Variants in TLL1 observed in about 807,000 individuals in gnomAD.
The protein encoded by TLL1 is tolloid-like protein 1.
TLL1 carries 49 observed loss-of-function variants against 128.2 expected under a neutral mutation model. That is an observed-to-expected ratio of 0.38 (90% CI 0.30 to 0.48). TLL1 has a LOEUF of 0.48. TLL1 is among the 20% of genes least tolerant of loss of function. The probability of loss-of-function intolerance (pLI) is 0.96; values close to 1 mark genes in which losing one functional copy is unlikely to be tolerated. For synonymous variants in TLL1, 454 were observed against 418.8 expected (o/e 1.08, Z -1.03); for missense variants, 1,123 against 1,242.0 (o/e 0.90, Z 1.44).
At chr4:166,056,344 T>C (rs1740006850) in intron 13 of TLL1, among the ~76,000 whole-genome samples, 1 of 151,762 alleles carries the variant, frequency 6.6e-6, no homozygotes, top group Non-Finnish European at 1.5e-5. Flanking sequence ...TCCTGAAGAG[T>C]GAGATTATGG....
At chr4:166,064,315 T>A (rs1688393094) in intron 15 of TLL1, among the ~76,000 whole-genome samples, 1 of 152,120 alleles carries the variant, frequency 6.6e-6, no homozygotes. Flanking sequence ...TCCCTTAAGC[T>A]ATTACTGTGT....
At chr4:165,972,707 C>T (rs1450792079) in intron 1 of TLL1, among the ~76,000 whole-genome samples, 3 of 152,180 alleles carry the variant, frequency 2.0e-5, no homozygotes, top group African/African-American at 7.2e-5. Flanking sequence ...ATAATTACCT[C>T]TACCTGGCTT....
intron 1 of TLL1, among the ~76,000 whole-genome samples, chr4:165,914,344 A>G (rs1421726088): frequency 1.3e-5 from 2 of 150,890 alleles, no homozygotes; most frequent in Non-Finnish European, 3.0e-5. Flanking sequence ...TTTGTTTTCT[A>G]AATAAACATT....
At chr4:165,934,231 TC>T in intron 1 of TLL1, among the ~76,000 whole-genome samples, 1 of 148,564 alleles carries the variant, frequency 6.7e-6, no homozygotes, top group East Asian at 2.0e-4. Context: ...GCCAGGTTGG[TC>T]TTGAACTCCT....
At chr4:165,889,609 G>T (rs1037052123) in intron 1 of TLL1, among the ~76,000 whole-genome samples, 1 of 152,140 alleles carries the variant, frequency 6.6e-6, no homozygotes, top group Non-Finnish European at 1.5e-5. Context: ...AGGCAGATTT[G>T]ATTATTCTTT....
At chr4:165,989,582 CCTG>C (rs1221304330) in intron 2 of TLL1, 91 bp downstream of exon 2, 12 of 916,672 alleles carry the variant, frequency 1.3e-5, no homozygotes, top group Non-Finnish European at 2.0e-5. Context: ...TTTTTCATCT[CCTG>C]TTGATCAACT....
Position 166,003,431 on chromosome 4 carries a change from G to T in TLL1, c.673G>T (p.Ala225Ser). The T allele has an allele frequency of 6.2e-7, 1 of 1,613,976 alleles. No individual in the cohort carries two copies. The highest frequency in any genetic ancestry group is 1.3e-5 in the African/African-American group (1 of 74,994). Residue 225 changes from alanine (A) to serine (S), a missense_variant, in exon 6 of 21, where the codon GCA (alanine) becomes TCA (serine). Transcript: ENST00000061240. Reference sequence around the variant, plus strand: ...AGGTCGGCGAGGAAATGGACCTCAGGCAATCTCTATCGGCAAGAACTGTGA... The same window carrying T: ...AGGTCGGCGAGGAAATGGACCTCAGTCAATCTCTATCGGCAAGAACTGTGA... ...YVGRRGNGPQ[A>S]ISIGKNCDKF...
intron 19 of TLL1, among the ~76,000 whole-genome samples, chr4:166,094,270 G>A (rs1741918736): frequency 6.6e-6 from 1 of 152,098 alleles, no homozygotes; most frequent in Admixed American, 6.5e-5. Context: ...TCAAAGCCTG[G>A]ATTTTATTCT....
intron 14 of TLL1, 148 bp from the exon 15 acceptor site, chr4:166,059,880 G>A: frequency 1.1e-6 from 1 of 909,112 alleles, no homozygotes; most frequent in East Asian, 2.5e-5. Flanking sequence ...TCAAGACTAA[G>A]GAGCAGAGAC....
chr4:165,981,377 TAATTTAAGTGGAA>T (rs1736143088), intron 1 of TLL1, among the ~76,000 whole-genome samples: 2 of 152,134 alleles, frequency 1.3e-5, no homozygotes, highest in Non-Finnish European at 2.9e-5. Context: ...TTGCTGTGAA[TAATTTAAGTGGAA>T]AATTAAAGTT....
chr4:166,003,924 G>A (rs1737283994), intron 6 of TLL1, among the ~76,000 whole-genome samples: 1 of 151,712 alleles, frequency 6.6e-6, no homozygotes, highest in South Asian at 2.1e-4. Flanking sequence ...TATAATTTAT[G>A]TTATAAGGAT....
intron 12 of TLL1, among the ~76,000 whole-genome samples, chr4:166,047,378 A>C (rs780660214): frequency 1.3e-5 from 2 of 151,374 alleles, no homozygotes; most frequent in Non-Finnish European, 2.9e-5. Flanking sequence ...GTTAGCCAGG[A>C]TGGTCTCGAT....
chr4:166,005,397 G>A lies in TLL1; in HGVS notation c.811+1828G>A, dbSNP rs552116111. Among the ~76,000 whole-genome samples the A allele has an allele frequency of 8.6e-5, 13 of 151,988 alleles. No individual in the cohort carries two copies. The South Asian group carries it at 2.5e-3, about 29-fold the overall frequency. ...GAAAAAGGTTGAGACTATAAAATGG[G>A]TAAAAACAATATTTAAGCAATACTT... On this transcript the variant is annotated intron_variant, in intron 6 of 20. Coordinates refer to ENST00000061240, the MANE Select transcript of TLL1 (RefSeq NM_012464.5).
chr4:165,992,527 A>G (rs921621471), intron 2 of TLL1, among the ~76,000 whole-genome samples: 7 of 152,064 alleles, frequency 4.6e-5, no homozygotes, highest in Non-Finnish European at 8.8e-5. Flanking sequence ...GTAAAGAAAA[A>G]TGTTTCAAAT....
chr4:165,892,578 A>T (rs1160429970), intron 1 of TLL1, among the ~76,000 whole-genome samples: 2 of 152,172 alleles, frequency 1.3e-5, no homozygotes, highest in Non-Finnish European at 1.5e-5. Context: ...TGATCCCTTT[A>T]TGCCTCTTTT....
chr4:166,059,809 T>G (rs1451666395), intron 14 of TLL1, among the ~76,000 whole-genome samples: 1 of 152,056 alleles, frequency 6.6e-6, no homozygotes, highest in East Asian at 1.9e-4. Context: ...CATAATATTC[T>G]CGGCTACTAA....
At chr4:165,898,619 G>A (rs561123932) in intron 1 of TLL1, among the ~76,000 whole-genome samples, 3 of 152,186 alleles carry the variant, frequency 2.0e-5, no homozygotes, top group African/African-American at 7.2e-5. Flanking sequence ...ATGTGCTGAT[G>A]AATTTGGTTT....
chr4:165,953,360 C>G (rs1365599849), intron 1 of TLL1, among the ~76,000 whole-genome samples: 1 of 152,002 alleles, frequency 6.6e-6, no homozygotes. Context: ...GCAGCTCCCC[C>G]ATGCTTCCCT....
intron 12 of TLL1, chr4:166,053,327 T>C (rs1459080855): frequency 6.6e-6 from 1 of 152,106 alleles, no homozygotes; most frequent in Non-Finnish European, 1.5e-5. Flanking sequence ...TGCTACGCTT[T>C]CTATTTTTCC....
Sources: gnomAD v4.1 joint callset for allele counts (sites outside exome capture counted in the v4.1 genomes callset) on GRCh38, gnomAD v4.1.1 for gene constraint, MANE v1.5 for transcripts, NCBI Gene and HGNC (gene_info 2026-07-23, HGNC 2026-07-21) for gene names.